The following KHDRBS3 variants were observed in gnomAD, a reference collection of about 807,000 sequenced individuals.
KHDRBS3 encodes KH RNA binding domain containing, signal transduction associated 3.
A neutral mutation model predicts 45.6 loss-of-function variants in KHDRBS3; 23 were observed. The observed-to-expected ratio is 0.50, with a 90% CI of 0.36 to 0.72. The LOEUF (loss-of-function observed/expected upper bound fraction) is 0.72. Ranked by LOEUF, KHDRBS3 falls within the 30% of genes least tolerant of loss-of-function variation. The pLI, the probability that KHDRBS3 is intolerant of heterozygous loss-of-function variation, is 0.00. For missense variants in KHDRBS3, 352 were observed against 424.8 expected (o/e 0.83, Z 1.51); for synonymous variants, 162 against 156.5 (o/e 1.04, Z -0.26).
At chr8:135,500,769 T>G (rs1823698099) in intron 1 of KHDRBS3, among the ~76,000 whole-genome samples, 1 of 152,218 alleles carries the variant, frequency 6.6e-6, no homozygotes. Flanking sequence ...TGCTGAGGGC[T>G]GGCATTTAGC....
intron 1 of KHDRBS3, among the ~76,000 whole-genome samples, chr8:135,515,307 A>C (rs981299662): frequency 1.5e-5 from 2 of 135,812 alleles, no homozygotes; most frequent in African/African-American, 5.5e-5. Context: ...CGGAGCTTGC[A>C]GTGAGCCAAG....
At chr8:135,498,039 G>A (rs555013420) in intron 1 of KHDRBS3, among the ~76,000 whole-genome samples, 1 of 152,216 alleles carries the variant, frequency 6.6e-6, no homozygotes, top group Non-Finnish European at 1.5e-5. Context: ...TAGGTTGGTG[G>A]CTGGATTCTT....
intron 6 of KHDRBS3, among the ~76,000 whole-genome samples, chr8:135,589,364 T>C (rs1460045849): frequency 6.6e-6 from 1 of 152,176 alleles, no homozygotes; most frequent in Non-Finnish European, 1.5e-5. Flanking sequence ...AGGATCTTAG[T>C]CTCTTCAGGA....
intron 5 of KHDRBS3, among the ~76,000 whole-genome samples, chr8:135,572,253 A>G (rs1827736535): frequency 6.6e-6 from 1 of 152,210 alleles, no homozygotes; most frequent in Non-Finnish European, 1.5e-5. Flanking sequence ...TTCAAAATAA[A>G]TAAGGAGCTC....
intron 1 of KHDRBS3, among the ~76,000 whole-genome samples, chr8:135,515,673 G>A (rs1278594087): frequency 1.3e-5 from 2 of 152,154 alleles, no homozygotes; most frequent in East Asian, 3.9e-4. Flanking sequence ...GGCCCTTGCT[G>A]CTGTGTCACC....
At chr8:135,606,805 AC>A (rs1829485608) in intron 6 of KHDRBS3, 149 bp from the exon 7 acceptor site, 7 of 492,304 alleles carry the variant, frequency 1.4e-5, no homozygotes, top group Admixed American at 3.7e-5. Flanking sequence ...GAAGTTCTTC[AC>A]CATTTTCACT....
intron 1 of KHDRBS3, among the ~76,000 whole-genome samples, chr8:135,515,292 G>A (rs953518526): frequency 2.5e-4 from 36 of 146,496 alleles, no homozygotes; most frequent in Non-Finnish European, 1.5e-4. Context: ...CGTGAACCCG[G>A]GAGGCGGAGC....
intron 6 of KHDRBS3, among the ~76,000 whole-genome samples, chr8:135,597,660 A>G (rs1011869082): frequency 3.3e-4 from 50 of 152,046 alleles, no homozygotes; most frequent in African/African-American, 1.2e-3. Context: ...TTTGTGTTGA[A>G]TGCTATGTCC....
intron 6 of KHDRBS3, among the ~76,000 whole-genome samples, chr8:135,583,787 A>G (rs981870974): frequency 6.6e-6 from 1 of 152,202 alleles, no homozygotes; most frequent in African/African-American, 2.4e-5. Context: ...CTCAGCATGT[A>G]TACTCTAATT....
In KHDRBS3 at chr8:135,542,563, G is replaced by A. The variant is rs563520747; in HGVS notation, c.208-91G>A. 8.9e-5 allele frequency: 70 copies of A among 787,898 alleles called. No individual in the cohort carries two copies. The African/African-American group carries it at 1.3e-3, about 14-fold the overall frequency. 48.8% of individuals were successfully genotyped at this position (787,898 alleles called of 1,614,324 possible). On this transcript the variant is annotated intron_variant, in intron 2 of 8. Coordinates refer to ENST00000355849, the MANE Select transcript of KHDRBS3 (RefSeq NM_006558.3). ...TAAATATTTGCCATTAATCAATGAT[G>A]TGTAGCACACTACAGTGTTTCTTAA... is the stretch of plus-strand genomic sequence containing the variant.
At chr8:135,471,875 A>C (rs904969666) in intron 1 of KHDRBS3, among the ~76,000 whole-genome samples, 1 of 152,188 alleles carries the variant, frequency 6.6e-6, no homozygotes, top group Non-Finnish European at 1.5e-5. Flanking sequence ...CATTTATCAC[A>C]CTGCGATCGT....
chr8:135,532,339 CTTGT>C (rs1825520056), intron 2 of KHDRBS3, among the ~76,000 whole-genome samples: 1 of 152,046 alleles, frequency 6.6e-6, no homozygotes, highest in African/African-American at 2.4e-5. Context: ...GAAAATAAAC[CTTGT>C]TTGTTCTCCC....
At chr8:135,607,911 GT>G (rs2131031625) in intron 7 of KHDRBS3, among the ~76,000 whole-genome samples, 1 of 152,234 alleles carries the variant, frequency 6.6e-6, no homozygotes, top group Non-Finnish European at 1.5e-5. Flanking sequence ...AAAACTCTTT[GT>G]TTTTGCTCAT....
intron 1 of KHDRBS3, among the ~76,000 whole-genome samples, chr8:135,491,699 C>T (rs1823159653): frequency 6.6e-6 from 1 of 152,054 alleles, no homozygotes; most frequent in South Asian, 2.1e-4. Context: ...TTCAGGAAGC[C>T]CTGGAGGTTC....
chr8:135,543,914 A>G (rs1826164905), intron 3 of KHDRBS3, among the ~76,000 whole-genome samples: 1 of 152,210 alleles, frequency 6.6e-6, no homozygotes, highest in South Asian at 2.1e-4. Flanking sequence ...TTTAGGGTAG[A>G]AACTCAAAAT....
intron 2 of KHDRBS3, among the ~76,000 whole-genome samples, chr8:135,523,422 T>C (rs1825018163): frequency 6.6e-6 from 1 of 152,200 alleles, no homozygotes; most frequent in Non-Finnish European, 1.5e-5. Context: ...TTTCCAGTTT[T>C]TTTTCTAATA....
intron 1 of KHDRBS3, among the ~76,000 whole-genome samples, chr8:135,501,993 C>T (rs1479921435): frequency 1.3e-5 from 2 of 152,246 alleles, no homozygotes; most frequent in African/African-American, 4.8e-5. Context: ...GTTGCAAGAC[C>T]TGTAGAGGAT....
At chr8:135,539,971 A>G (rs1366589065) in intron 2 of KHDRBS3, 1 of 152,136 alleles carries the variant, frequency 6.6e-6, no homozygotes, top group Non-Finnish European at 1.5e-5. Flanking sequence ...TGGACTTCAG[A>G]TTCTTCTGTA....
chr8:135,469,821 C>T (rs1235772646), intron 1 of KHDRBS3, among the ~76,000 whole-genome samples: 1 of 152,162 alleles, frequency 6.6e-6, no homozygotes, highest in Non-Finnish European at 1.5e-5. Flanking sequence ...GCCACCGCGC[C>T]CGGCCAGGAC....
Sources: gnomAD v4.1 joint callset for allele counts (sites outside exome capture counted in the v4.1 genomes callset) on GRCh38, gnomAD v4.1.1 for gene constraint, MANE v1.5 for transcripts, NCBI Gene and HGNC (gene_info 2026-07-23, HGNC 2026-07-21) for gene names.